CPXM2: variants seen among roughly 807,000 people sequenced by gnomAD.
The protein encoded by CPXM2 is inactive carboxypeptidase-like protein X2.
In CPXM2, 66 loss-of-function variants were observed where a neutral mutation model predicts 86.1. The observed-to-expected ratio is 0.77, with a 90% CI of 0.63 to 0.94. The LOEUF (loss-of-function observed/expected upper bound fraction) is 0.94. CPXM2 is among the 40% of genes least tolerant of loss of function. The pLI is 0.00. For synonymous variants in CPXM2, 388 were observed against 400.2 expected, an observed-to-expected ratio of 0.97 and a Z score of 0.36; for missense variants, 948 against 1,026.3, an observed-to-expected ratio of 0.92 and a Z score of 1.04.
At chr10:123,862,835 C>G (rs1848883715) in intron 2 of CPXM2, 112 bp from the exon 3 acceptor site, 5 of 824,996 alleles carry the variant, frequency 6.1e-6, no homozygotes, top group Non-Finnish European at 1.0e-5. Flanking sequence ...CTCCCACCCA[C>G]AGGCATGCCT....
intron 3 of CPXM2, among the ~76,000 whole-genome samples, chr10:123,860,859 CT>C (rs1447650369): frequency 6.6e-6 from 1 of 152,160 alleles, no homozygotes; most frequent in Middle Eastern, 3.2e-3. Context: ...AGTTATTATT[CT>C]TTTTTTATAC....
rs903120429 is a variant in CPXM2, at chr10:123,795,974, A to C, written c.889+2002T>G. Among the ~76,000 whole-genome samples the C allele has an allele frequency of 3.9e-5, 6 of 152,266 alleles. 1 individual carries two copies. The South Asian group carries it at 1.2e-3, about 32-fold the overall frequency. Reference sequence around the variant, plus strand: ...CGGCCCTACTTTTTCAAGCAAGCAGACCAAGGCTGTGCTGAGCAGAATAGG... The same window carrying C: ...CGGCCCTACTTTTTCAAGCAAGCAGCCCAAGGCTGTGCTGAGCAGAATAGG... On this transcript the variant is annotated intron_variant, in intron 6 of 13. Transcript: ENST00000241305.
At chr10:123,899,048 C>T (rs1313594969) in intron 2 of CPXM2, among the ~76,000 whole-genome samples, 2 of 152,162 alleles carry the variant, frequency 1.3e-5, no homozygotes, top group Non-Finnish European at 2.9e-5. Context: ...CCGCACCCGG[C>T]CTGAAAGTTT....
intron 10 of CPXM2, among the ~76,000 whole-genome samples, chr10:123,763,273 CGT>C (rs1380392152): frequency 6.6e-5 from 10 of 152,076 alleles, no homozygotes; most frequent in Non-Finnish European, 1.2e-4. Context: ...CTCCTGACCT[CGT>C]GATCTGCCCG....
intron 1 of CPXM2, among the ~76,000 whole-genome samples, chr10:123,888,949 T>C (rs974710965): frequency 6.6e-6 from 1 of 152,212 alleles, no homozygotes; most frequent in African/African-American, 2.4e-5. Flanking sequence ...AACTGGGCAA[T>C]GTGTCCTGCA....
chr10:123,868,833 A>G (rs1309211740), intron 2 of CPXM2, among the ~76,000 whole-genome samples: 5 of 152,144 alleles, frequency 3.3e-5, no homozygotes, highest in African/African-American at 1.2e-4. Context: ...CTTCCCGCAA[A>G]TAAGCCCAGA....
In CPXM2 at chr10:123,837,692, A is replaced by G. The variant is rs532386308; in HGVS notation, c.653+4657T>C. On this transcript the variant is annotated intron_variant, in intron 4 of 13. Transcript: ENST00000241305. Reference sequence around the variant, plus strand: ...TTGTGAGAAGTATAAATTATTCAATATCATTAAAACAATCTGGTTGTTTTA... The same window carrying G: ...TTGTGAGAAGTATAAATTATTCAATGTCATTAAAACAATCTGGTTGTTTTA... Among the ~76,000 whole-genome samples the G allele has an allele frequency of 5.5e-4, 84 of 152,358 alleles. 1 individual carries two copies. Among genetic ancestry groups the G allele is most frequent in the African/African-American group, 2.0e-3 (82 of 41,586 alleles).
intron 4 of CPXM2, among the ~76,000 whole-genome samples, chr10:123,829,670 G>A (rs1218220288): frequency 6.6e-6 from 1 of 152,120 alleles, no homozygotes; most frequent in East Asian, 1.9e-4. Flanking sequence ...GGACCTTATT[G>A]AAAACTTTGT....
intron 10 of CPXM2, among the ~76,000 whole-genome samples, chr10:123,766,472 T>G (rs1589975117): frequency 6.6e-6 from 1 of 152,160 alleles, no homozygotes; most frequent in East Asian, 1.9e-4. Context: ...TAATAAGAGG[T>G]ATGGGAGAAT....
rs1442798183 is a variant in CPXM2 at position 123,885,935 on chromosome 10, C to T, written c.304+5421G>A. On this transcript the variant is annotated intron_variant, in intron 1 of 13. Coordinates refer to ENST00000241305, the MANE Select transcript of CPXM2 (RefSeq NM_198148.3). This position sits in a 1 kb window ranked among gnomAD's most constrained non-coding sequence, Gnocchi z 4.0. ...GAACCACAGCATGCAGTCCAGCTTTCGCAAACGTGGGTGTGTCCTCCTTTA... is the reference window on the plus strand; with the variant it reads ...GAACCACAGCATGCAGTCCAGCTTTTGCAAACGTGGGTGTGTCCTCCTTTA... Among the ~76,000 whole-genome samples the T allele has an allele frequency of 9.2e-5, 14 of 152,240 alleles. No homozygotes were observed. Among genetic ancestry groups the T allele is most frequent in the Admixed American group, 6.5e-4 (10 of 15,286 alleles).
At chr10:123,768,484 G>C (rs370103790) in intron 9 of CPXM2, 42 bp downstream of exon 9, 8 of 1,534,792 alleles carry the variant, frequency 5.2e-6, no homozygotes, top group South Asian at 4.8e-5. Context: ...CTGGGGCCTC[G>C]CTGCCCATGT....
At chr10:123,821,601 T>C (rs564808940) in intron 4 of CPXM2, among the ~76,000 whole-genome samples, 36 of 152,320 alleles carry the variant, frequency 2.4e-4, no homozygotes, top group African/African-American at 8.7e-4. Context: ...ACCAATTGTA[T>C]TTGACTAGGA....
intron 7 of CPXM2, 36 bp downstream of exon 7, chr10:123,780,131 A>G (rs776941227): frequency 7.2e-7 from 1 of 1,392,062 alleles, no homozygotes; most frequent in Non-Finnish European, 1.0e-6. Context: ...TTTTTTGACA[A>G]ATTCCTGGCA....
intron 6 of CPXM2, among the ~76,000 whole-genome samples, chr10:123,794,994 T>C (rs1213222136): frequency 6.6e-6 from 1 of 152,188 alleles, no homozygotes; most frequent in Non-Finnish European, 1.5e-5. Context: ...GGTCTCGAAC[T>C]CCTGACCTCA....
chr10:123,831,962 G>A (rs1390527064), intron 4 of CPXM2, among the ~76,000 whole-genome samples: 1 of 145,896 alleles, frequency 6.9e-6, no homozygotes, highest in African/African-American at 2.5e-5. Flanking sequence ...GGCGTGCCAG[G>A]GGGTGGGGGT....
chr10:123,792,273 T>G (rs942452821), intron 6 of CPXM2, among the ~76,000 whole-genome samples: 11 of 152,002 alleles, frequency 7.2e-5, no homozygotes, highest in Non-Finnish European at 1.5e-4. Flanking sequence ...AAAAATCAAG[T>G]GTATTGAGCA....
Position 123,762,109 on chromosome 10 carries a change from C to T in CPXM2, c.1540G>A (p.Gly514Ser), listed in dbSNP as rs759866479. 1.9e-6 allele frequency: 3 copies of T among 1,613,990 alleles called. No homozygotes were observed. The highest frequency in any genetic ancestry group is 2.2e-5 in the South Asian group (2 of 91,076). Residue 514 changes from glycine to serine, a missense_variant, in exon 11 of 14, where the codon GGC becomes AGC. Coordinates refer to ENST00000241305, the MANE Select transcript of CPXM2 (RefSeq NM_198148.3). The stretch of plus-strand genomic sequence containing the variant: ...ACCAGCTCGCCGCCCTGCAGGTTGC[C>T]GCCCAGCACAAAAGGGATTTTTTCC... ...WMEKIPFVLGGNLQGGELVVA... is the reference protein window; with the variant it reads ...WMEKIPFVLGSNLQGGELVVA...
chr10:123,898,903 C>A (rs903311131), intron 2 of CPXM2, among the ~76,000 whole-genome samples: 2 of 152,178 alleles, frequency 1.3e-5, no homozygotes, highest in African/African-American at 4.8e-5. Flanking sequence ...CACCACCATG[C>A]CCAGCTAAGT....
At chr10:123,929,760 C>T (rs569399184) in intron 2 of CPXM2, among the ~76,000 whole-genome samples, 1 of 152,266 alleles carries the variant, frequency 6.6e-6, no homozygotes, top group East Asian at 1.9e-4. Flanking sequence ...GAAAGGCAAG[C>T]AGGTCCTGTC....
Sources: allele counts gnomAD v4.1 joint callset (sites outside exome capture counted in the v4.1 genomes callset), GRCh38; gene constraint gnomAD v4.1.1; non-coding constraint Gnocchi (gnomAD v3.1); transcripts MANE v1.5; gene names NCBI Gene and HGNC (gene_info 2026-07-23, HGNC 2026-07-21).